The following CDIP1 variants were observed in gnomAD, a reference collection of about 807,000 sequenced individuals.
The protein encoded by CDIP1 is cell death inducing p53 target 1, also known as cell death-inducing p53-target protein 1.
A neutral mutation model predicts 17.7 loss-of-function variants in CDIP1; 9 were observed. That is an observed-to-expected ratio of 0.51 (90% CI 0.31 to 0.89). CDIP1 has a LOEUF of 0.89. CDIP1 is among the 40% of genes least tolerant of loss of function. CDIP1 has a pLI of 0.05. For synonymous variants in CDIP1, 117 were observed against 109.5 expected (o/e 1.07, Z -0.43); for missense variants, 263 against 277.9 (o/e 0.95, Z 0.38).
chr16:4,526,814 A>G (rs1271539675), intron 1 of CDIP1, among the ~76,000 whole-genome samples: 1 of 152,120 alleles, frequency 6.6e-6, no homozygotes, highest in Non-Finnish European at 1.5e-5. Flanking sequence ...TGCGCCCTCC[A>G]ACAGAAGCAT....
At position 4,512,566 on chromosome 16, in the gene CDIP1, G is replaced by A. The variant is rs779773284; in HGVS notation, c.*6C>T. On this transcript the variant is annotated 3_prime_UTR_variant, in exon 6 of 6. Coordinates refer to ENST00000567695, the MANE Select transcript of CDIP1 (RefSeq NM_013399.3). The surrounding 1 kb of genome is among the most constrained non-coding windows in gnomAD (Gnocchi z 4.6). ...ACAGGCGGGGGAGTCCCGAGTCCCA[G>A]CTCCGTTAGCACAGGCGCTTGTACG... The A allele has an allele frequency of 1.7e-5, 27 of 1,607,030 alleles. No individual in the cohort carries two copies. Among genetic ancestry groups the A allele is most frequent in the Non-Finnish European group, 2.0e-5 (24 of 1,173,798 alleles).
intron 1 of CDIP1, among the ~76,000 whole-genome samples, chr16:4,518,882 G>A (rs1467723227): frequency 6.6e-6 from 1 of 152,314 alleles, no homozygotes; most frequent in Non-Finnish European, 1.5e-5. Flanking sequence ...CACCTCTGCT[G>A]TGGGAAGGTG....
chr16:4,532,641 A>G (rs907499461), intron 1 of CDIP1: 49 of 152,222 alleles, frequency 3.2e-4, no homozygotes, highest in African/African-American at 1.1e-3. Flanking sequence ...CCAGTTCTCC[A>G]AAGTTCTGAC....
intron 1 of CDIP1, among the ~76,000 whole-genome samples, chr16:4,528,859 C>T (rs2059027116): frequency 1.3e-5 from 2 of 151,952 alleles, no homozygotes; most frequent in South Asian, 4.1e-4. Flanking sequence ...CGTGGTGGCG[C>T]ATGCCTGTAA....
chr16:4,533,881 G>A (rs2059079747), intron 1 of CDIP1, among the ~76,000 whole-genome samples: 1 of 152,146 alleles, frequency 6.6e-6, no homozygotes, highest in African/African-American at 2.4e-5. Context: ...GCCCTGCTTG[G>A]TGCCTAGTCC....
At chr16:4,531,634 C>T (rs1228193944) in intron 1 of CDIP1, among the ~76,000 whole-genome samples, 1 of 152,176 alleles carries the variant, frequency 6.6e-6, no homozygotes. Context: ...GAGCAGTCTC[C>T]GAGGAGAGAA....
At chr16:4,516,251 T>C (rs2058886367) in intron 1 of CDIP1, among the ~76,000 whole-genome samples, 1 of 152,074 alleles carries the variant, frequency 6.6e-6, no homozygotes, top group African/African-American at 2.4e-5. Flanking sequence ...TTAGTAGCTG[T>C]TTAGGTCTGG....
intron 1 of CDIP1, 124 bp downstream of exon 1, chr16:4,538,578 G>A (rs1394148305): frequency 6.6e-6 from 1 of 152,368 alleles, no homozygotes; most frequent in Non-Finnish European, 1.5e-5. Flanking sequence ...GCGGGCGGGG[G>A]CGGGGAGGGG....
chr16:4,537,771 T>G (rs1158374535), intron 1 of CDIP1, among the ~76,000 whole-genome samples: 2 of 152,204 alleles, frequency 1.3e-5, no homozygotes, highest in Non-Finnish European at 2.9e-5. Flanking sequence ...AGCCCACCTT[T>G]GGAGGAACTC....
intron 1 of CDIP1, among the ~76,000 whole-genome samples, chr16:4,525,712 A>G (rs2058993035): frequency 6.6e-6 from 1 of 152,148 alleles, no homozygotes; most frequent in South Asian, 2.1e-4. Flanking sequence ...ACAAAGGTCC[A>G]CTCAGTTGCA....
At chr16:4,537,917 C>T (rs1212178413) in intron 1 of CDIP1, among the ~76,000 whole-genome samples, 1 of 152,250 alleles carries the variant, frequency 6.6e-6, no homozygotes, top group African/African-American at 2.4e-5. Context: ...GGATGCGCGG[C>T]CGAGCGCCAC....
intron 1 of CDIP1, among the ~76,000 whole-genome samples, chr16:4,519,011 A>C (rs2058917035): frequency 6.6e-6 from 1 of 152,184 alleles, no homozygotes; most frequent in Non-Finnish European, 1.5e-5. Flanking sequence ...TGACAAATCC[A>C]AGAGAGGCTT....
At chr16:4,522,383 C>T (rs538959242) in intron 1 of CDIP1, 5 of 152,416 alleles carry the variant, frequency 3.3e-5, no homozygotes, top group African/African-American at 1.2e-4. Flanking sequence ...CAGAGCTGGG[C>T]TGGCTTGGTG....
At chr16:4,518,557 C>A (rs1411878592) in intron 1 of CDIP1, among the ~76,000 whole-genome samples, 2 of 152,198 alleles carry the variant, frequency 1.3e-5, no homozygotes, top group African/African-American at 4.8e-5. Context: ...CTCACCCCTC[C>A]ATATCCACAT....
chr16:4,512,972 T>C lies in CDIP1; in HGVS notation c.334A>G (p.Thr112Ala), dbSNP rs1029427886. 6.3e-7 allele frequency: 1 copy of C among 1,588,504 alleles called. No individual in the cohort carries two copies. The highest frequency in any genetic ancestry group is 8.6e-7 in the Non-Finnish European group (1 of 1,168,718). Residue 112 changes from threonine to alanine, a missense_variant, in exon 5 of 6, where the codon ACA (threonine) becomes GCA (alanine). Transcript: ENST00000567695. This position sits in a 1 kb window ranked among gnomAD's most constrained non-coding sequence, Gnocchi z 4.6. ...CCTGAAGGGACCAGGACTGTGGCTGTGTGGCCCCCAGGGCCAGGGTAGGGC... is the reference window on the plus strand; with the variant it reads ...CCTGAAGGGACCAGGACTGTGGCTGCGTGGCCCCCAGGGCCAGGGTAGGGC... ...PGPYPGPGGH[T>A]ATVLVPSGAA...
At chr16:4,524,586 C>T (rs2058981113) in intron 1 of CDIP1, among the ~76,000 whole-genome samples, 1 of 152,204 alleles carries the variant, frequency 6.6e-6, no homozygotes, top group African/African-American at 2.4e-5. Flanking sequence ...ATCTTTCCTG[C>T]CTTCCTCCCA....
chr16:4,522,924 A>T (rs1399769931), intron 1 of CDIP1, among the ~76,000 whole-genome samples: 9 of 152,258 alleles, frequency 5.9e-5, no homozygotes, highest in Admixed American at 5.9e-4. Flanking sequence ...GATTAGTTCA[A>T]ACCCACCTTG....
At chr16:4,530,648 C>A (rs372414270) in intron 1 of CDIP1, among the ~76,000 whole-genome samples, 38 of 143,982 alleles carry the variant, frequency 2.6e-4, no homozygotes, top group Middle Eastern at 3.5e-3. Flanking sequence ...GACTCCATCT[C>A]AAAAAAAAAA....
Position 4,513,594 on chromosome 16 carries a change from C to T in CDIP1, c.241+102G>A. ...AGGGCTGGTTGGGCGTGTTGGAGTC[C>T]CTGCCCTACAGCAGATGCCCACCTG... is the stretch of plus-strand genomic sequence containing the variant. On this transcript the variant is annotated intron_variant, in intron 4 of 5. Coordinates refer to ENST00000567695, the MANE Select transcript of CDIP1 (RefSeq NM_013399.3). The surrounding 1 kb of genome is among the most constrained non-coding windows in gnomAD (Gnocchi z 4.1). The T allele has an allele frequency of 9.6e-7, 1 of 1,036,556 alleles. No individual in the cohort carries two copies. Among genetic ancestry groups the T allele is most frequent in the Non-Finnish European group, 1.4e-6 (1 of 690,510 alleles). 64.2% of individuals were successfully genotyped at this position (1,036,556 alleles called of 1,614,324 possible). A position where few individuals can be genotyped will look rare whatever the true frequency, so the allele number is the denominator to read the frequency against.
Sources: allele counts gnomAD v4.1 joint callset (sites outside exome capture counted in the v4.1 genomes callset), GRCh38; gene constraint gnomAD v4.1.1; non-coding constraint Gnocchi (gnomAD v3.1); transcripts MANE v1.5; gene names NCBI Gene and HGNC (gene_info 2026-07-23, HGNC 2026-07-21).